Variants in CUX1 observed in about 807,000 individuals in gnomAD.
CUX1 encodes the protein cut like homeobox 1.
In CUX1, 31 loss-of-function variants were observed where a neutral mutation model predicts 158.8. The observed-to-expected ratio is 0.20, with a 90% CI of 0.15 to 0.26. The LOEUF (loss-of-function observed/expected upper bound fraction) is 0.26. CUX1 is among the 10% of genes least tolerant of loss of function. CUX1 has a pLI of 1.00. For missense variants in CUX1, 1,589 were observed against 2,014.6 expected (o/e 0.79, Z 4.04); for synonymous variants, 879 against 862.1 (o/e 1.02, Z -0.34).
intron 1 of CUX1, among the ~76,000 whole-genome samples, chr7:101,834,165 CTTTTTTTTTTTTTT>C (rs575992276): frequency 4.2e-5 from 3 of 71,092 alleles, no homozygotes; most frequent in Admixed American, 1.4e-4. Flanking sequence ...CTGATTGTTT[CTTTTTTTTTTTTTT>C]TTTTTTTTTT....
chr7:101,973,641 C>A (rs1474593153), intron 2 of CUX1, among the ~76,000 whole-genome samples: 2 of 152,156 alleles, frequency 1.3e-5, no homozygotes, highest in African/African-American at 4.8e-5. Context: ...TAGCCCCCAC[C>A]TGGACCCCTG....
At chr7:102,136,964 G>A (rs369268910) in intron 8 of CUX1, among the ~76,000 whole-genome samples, 7 of 152,120 alleles carry the variant, frequency 4.6e-5, no homozygotes, top group African/African-American at 9.7e-5. Context: ...AGAAACATAG[G>A]GCTTTGCTGA....
intron 14 of CUX1, among the ~76,000 whole-genome samples, chr7:102,264,249 A>G (rs1336170273): frequency 1.4e-5 from 2 of 141,868 alleles, no homozygotes; most frequent in South Asian, 2.3e-4. Context: ...CAGGTGATCC[A>G]CCCGCCTCGG....
intron 3 of CUX1, among the ~76,000 whole-genome samples, chr7:102,055,667 A>G (rs1824046689): frequency 6.6e-6 from 1 of 152,184 alleles, no homozygotes; most frequent in Non-Finnish European, 1.5e-5. Flanking sequence ...AGACACAACA[A>G]TATTGAAATT....
chr7:102,103,295 C>T (rs2130972582), intron 5 of CUX1, among the ~76,000 whole-genome samples: 1 of 152,328 alleles, frequency 6.6e-6, no homozygotes, highest in Admixed American at 6.5e-5. Flanking sequence ...TCCCTCCATG[C>T]TTTATCCACC....
chr7:102,065,090 GT>G (rs562493293), intron 3 of CUX1, among the ~76,000 whole-genome samples: 2 of 151,204 alleles, frequency 1.3e-5, no homozygotes, highest in Admixed American at 6.6e-5. Context: ...CATTCTGGTT[GT>G]TTTTTTTTAA....
intron 2 of CUX1, among the ~76,000 whole-genome samples, chr7:101,983,541 A>G (rs531810209): frequency 6.6e-6 from 1 of 152,316 alleles, no homozygotes; most frequent in Admixed American, 6.5e-5. Context: ...AGGCTGAGTA[A>G]TTTATGAAGA....
chr7:101,884,816 G>A (rs1264324510), intron 1 of CUX1, among the ~76,000 whole-genome samples: 1 of 152,158 alleles, frequency 6.6e-6, no homozygotes, highest in Non-Finnish European at 1.5e-5. Context: ...ATAAACAGAG[G>A]ATTTGTTTTA....
At chr7:102,132,110 G>C (rs1833309251) in intron 8 of CUX1, among the ~76,000 whole-genome samples, 2 of 150,982 alleles carry the variant, frequency 1.3e-5, no homozygotes, top group African/African-American at 4.9e-5. Context: ...ATCACAAAGG[G>C]AAGAAATTCA....
Position 102,097,478 on chromosome 7 carries a change from A to C in CUX1, c.383A>C (p.Glu128Ala). The change falls in exon 5 of 24, where the codon GAA (glutamate) becomes GCA (alanine). Residue 128 changes from glutamate to alanine, a missense_variant. By Grantham distance (107) the Glu-to-Ala change is moderately radical (BLOSUM62 -1). Coordinates refer to ENST00000292535, the MANE Select transcript of CUX1 (RefSeq NM_181552.4). ...LRETLEEYNK[E>A]FAEVKNQEVT... The stretch of plus-strand genomic sequence containing the variant: ...GAAACTCTGGAAGAATACAACAAGG[A>C]ATTTGCTGAAGTGAAAAATCAAGGT... 6.2e-7 allele frequency: 1 copy of C among 1,604,372 alleles called. No homozygotes were observed. Among genetic ancestry groups the C allele is most frequent in the South Asian group, 1.1e-5 (1 of 88,556 alleles).
intron 20 of CUX1, among the ~76,000 whole-genome samples, chr7:102,213,557 C>G (rs564318562): frequency 7.9e-5 from 12 of 152,320 alleles, no homozygotes; most frequent in African/African-American, 2.9e-4. Flanking sequence ...CCCGACAGGC[C>G]CAGTCCAGCT....
intron 3 of CUX1, among the ~76,000 whole-genome samples, chr7:102,036,558 A>G (rs1043756059): frequency 2.0e-5 from 3 of 151,742 alleles, no homozygotes; most frequent in Non-Finnish European, 4.4e-5. Context: ...CCTGACCAAT[A>G]TGGTGAAACT....
intron 2 of CUX1, among the ~76,000 whole-genome samples, chr7:102,026,316 A>T (rs1461665126): frequency 6.6e-6 from 1 of 152,218 alleles, no homozygotes; most frequent in Non-Finnish European, 1.5e-5. Flanking sequence ...GGCTAGGGTA[A>T]CTAAGAAACT....
At chr7:102,202,343 C>A in intron 18 of CUX1, 139 bp downstream of exon 18, 1 of 1,212,634 alleles carries the variant, frequency 8.2e-7, no homozygotes, top group Non-Finnish European at 1.1e-6. Flanking sequence ...TGCTCCCAGA[C>A]TTCCAAGGTG....
intron 2 of CUX1, among the ~76,000 whole-genome samples, chr7:102,016,195 G>C (rs36053295): frequency 6.6e-6 from 1 of 151,852 alleles, no homozygotes; most frequent in Non-Finnish European, 1.5e-5. Flanking sequence ...CAGTCCTCTC[G>C]CCTTAACCTC....
chr7:101,835,282 A>G (rs6945158), intron 1 of CUX1, among the ~76,000 whole-genome samples: 2,202 of 152,252 alleles, frequency 0.014, 45 homozygotes, highest in African/African-American at 0.051. Context: ...CACGTAGCAC[A>G]GTGTTTGCGG....
At chr7:102,206,729 T>A (rs1554521421) in intron 20 of CUX1, among the ~76,000 whole-genome samples, 1 of 152,158 alleles carries the variant, frequency 6.6e-6, no homozygotes, top group African/African-American at 2.4e-5. Context: ...AAACCCCGTC[T>A]CTACTAAAGA....
chr7:101,871,874 T>C (rs1217238040), intron 1 of CUX1, among the ~76,000 whole-genome samples: 1 of 151,902 alleles, frequency 6.6e-6, no homozygotes, highest in African/African-American at 2.4e-5. Flanking sequence ...AAAAATTGAC[T>C]GGGCATGGCA....
chr7:102,164,994 G>A (rs566356032), intron 9 of CUX1, among the ~76,000 whole-genome samples: 36 of 152,126 alleles, frequency 2.4e-4, no homozygotes, highest in Non-Finnish European at 4.6e-4. Flanking sequence ...TAAACTGGCA[G>A]GGTGGGGGAA....
Sources: gnomAD v4.1 joint callset for allele counts (sites outside exome capture counted in the v4.1 genomes callset) on GRCh38, gnomAD v4.1.1 for gene constraint, MANE v1.5 for transcripts, NCBI Gene and HGNC (gene_info 2026-07-23, HGNC 2026-07-21) for gene names.